The following NEK5 variants were observed in gnomAD, a reference collection of about 807,000 sequenced individuals.
The protein encoded by NEK5 is NIMA related kinase 5, also known as serine/threonine-protein kinase Nek5.
Under a neutral mutation model 109.2 loss-of-function variants are expected in NEK5, and 88 were observed. The observed-to-expected ratio is 0.81, with a 90% CI of 0.68 to 0.96. NEK5 has a LOEUF of 0.96. Among genes scored for constraint, NEK5 ranks in the 40% least tolerant of loss-of-function variants. The pLI, the probability that NEK5 is intolerant of heterozygous loss-of-function variation, is 0.00. For missense variants in NEK5, 834 were observed against 920.7 expected, an observed-to-expected ratio of 0.91 and a Z score of 1.22; for synonymous variants, 283 against 299.9, an observed-to-expected ratio of 0.94 and a Z score of 0.58.
In NEK5 at chr13:52,034,148, T is replaced by A. The variant is rs1243623167; in HGVS notation, c.*2800A>T. 1 of 152,194 alleles carries A rather than the reference T, an allele frequency of 6.6e-6. No individual in the cohort carries two copies. Among genetic ancestry groups the A allele is most frequent in the Admixed American group, 6.5e-5 (1 of 15,286 alleles). The allele number at this position is 152,194 out of a possible 1,614,324, so 9.4% of individuals were successfully genotyped here. A position where few individuals can be genotyped will look rare whatever the true frequency, so the allele number is the denominator to read the frequency against. On this transcript the variant is annotated 3_prime_UTR_variant, in exon 24 of 24. Coordinates refer to ENST00000684899, the MANE Select transcript of NEK5 (RefSeq NM_001365552.1). The stretch of plus-strand genomic sequence containing the variant: ...AGAATGATCAATTTGATAGCTATCA[T>A]ACATGGCTAGCAAGACACTGATTTT...
chr13:52,062,292 CACA>C (rs1025213428), intron 21 of NEK5, among the ~76,000 whole-genome samples: 10 of 152,164 alleles, frequency 6.6e-5, no homozygotes, highest in African/African-American at 2.4e-4. Flanking sequence ...CAACTTACAG[CACA>C]TGTACAAATT....
chr13:52,064,255 G>A lies in NEK5; in HGVS notation c.1975+1229C>T, dbSNP rs1441751820. 7.3e-4 allele frequency among the ~76,000 whole-genome samples: 92 copies of A among 125,512 alleles called. No individual in the cohort carries two copies. In the East Asian group the frequency reaches 8.3e-3, roughly 11 times the overall value. The allele number at this position is 125,512 out of a possible 152,430, so 82.3% of individuals were successfully genotyped here. A position where few individuals can be genotyped will look rare whatever the true frequency, so the allele number is the denominator to read the frequency against. On this transcript the variant is annotated intron_variant, in intron 21 of 23. Transcript: ENST00000684899. ...GGGTCAGCCCCCCGCCCAGCCAGCCGCCCCGTCCGGGAGGTGAGGGGCGCC... is the reference window on the plus strand; with the variant it reads ...GGGTCAGCCCCCCGCCCAGCCAGCCACCCCGTCCGGGAGGTGAGGGGCGCC...
intron 22 of NEK5, among the ~76,000 whole-genome samples, chr13:52,054,006 G>T (rs1429548234): frequency 6.6e-6 from 1 of 152,198 alleles, no homozygotes; most frequent in Non-Finnish European, 1.5e-5. Flanking sequence ...TAAAGAAAAA[G>T]TAAGTGCTTA....
chr13:52,055,614 T>C (rs1268047479), intron 22 of NEK5, among the ~76,000 whole-genome samples: 1 of 152,112 alleles, frequency 6.6e-6, no homozygotes, highest in Admixed American at 6.5e-5. Context: ...GCAGAAACTC[T>C]ACAAGCCAGA....
chr13:52,092,421 TAAC>T (rs1275979924), intron 13 of NEK5, among the ~76,000 whole-genome samples: 1 of 112,136 alleles, frequency 8.9e-6, no homozygotes, highest in African/African-American at 2.5e-5. Flanking sequence ...AAAATCTTTC[TAAC>T]AAAAAAAAAA....
intron 23 of NEK5, among the ~76,000 whole-genome samples, chr13:52,048,360 C>T (rs960933897): frequency 1.3e-5 from 2 of 151,864 alleles, no homozygotes; most frequent in Admixed American, 6.6e-5. Context: ...TCACTTGAGC[C>T]CAGGAGTTCG....
chr13:52,037,398 T>C (rs921611170), intron 23 of NEK5, among the ~76,000 whole-genome samples, 180 bp from the exon 24 acceptor site: 1 of 152,212 alleles, frequency 6.6e-6, no homozygotes, highest in African/African-American at 2.4e-5. Context: ...TGTTGAGTTT[T>C]ACATTGTGTT....
At chr13:52,075,683 ATTT>A in intron 19 of NEK5, 72 bp downstream of exon 19, 1 of 922,856 alleles carries the variant, frequency 1.1e-6, no homozygotes, top group Non-Finnish European at 1.7e-6. Flanking sequence ...CTGTGAAATA[ATTT>A]CATGAAACAT....
intron 3 of NEK5, among the ~76,000 whole-genome samples, chr13:52,125,422 G>A (rs2138148645): frequency 6.6e-6 from 1 of 152,254 alleles, no homozygotes; most frequent in African/African-American, 2.4e-5. Flanking sequence ...AATTAGCCAG[G>A]CGTGGTGGCG....
intron 4 of NEK5, among the ~76,000 whole-genome samples, chr13:52,118,828 C>CA (rs1355364974): frequency 3.3e-5 from 5 of 152,128 alleles, no homozygotes; most frequent in African/African-American, 1.2e-4. Flanking sequence ...AGCACACACA[C>CA]ACAAACACAC....
chr13:52,122,141 T>C (rs573929365), intron 3 of NEK5, among the ~76,000 whole-genome samples: 31 of 152,290 alleles, frequency 2.0e-4, no homozygotes, highest in African/African-American at 7.2e-4. Flanking sequence ...CAATGTAGTA[T>C]CATGGAAAGA....
chr13:52,105,238 AGTGTGTGTGTGT>A lies in NEK5; in HGVS notation c.555-698_555-687del, dbSNP rs5803594. On this transcript the variant is annotated intron_variant, in intron 8 of 23. Coordinates refer to ENST00000684899, the MANE Select transcript of NEK5 (RefSeq NM_001365552.1). Reference sequence around the variant, plus strand: ...CTCTAGCAGCAATGCTTTGTGCATGAGTGTGTGTGTGTGTGTGTGTGTGTGTGTGTGTGTGTC... The same window carrying A: ...CTCTAGCAGCAATGCTTTGTGCATGAGTGTGTGTGTGTGTGTGTGTGTGTC... Among the ~76,000 whole-genome samples, 56 of 148,250 alleles carry A rather than the reference AGTGTGTGTGTGT, an allele frequency of 3.8e-4. No homozygotes were observed. In the East Asian group the frequency reaches 3.8e-3, roughly 10 times the overall value.
chr13:52,056,015 G>C (rs1211619706), intron 22 of NEK5, among the ~76,000 whole-genome samples: 104 of 152,094 alleles, frequency 6.8e-4, no homozygotes, highest in Non-Finnish European at 1.3e-3. Context: ...ATTGGATAAA[G>C]AGTCAAGACC....
chr13:52,045,562 G>A (rs1454316111), intron 23 of NEK5, among the ~76,000 whole-genome samples: 5 of 145,570 alleles, frequency 3.4e-5, no homozygotes, highest in African/African-American at 5.0e-5. Flanking sequence ...TCAGGAGATC[G>A]AGACCATCCT....
intron 22 of NEK5, 39 bp from the exon 23 acceptor site, chr13:52,050,260 C>T: frequency 1.3e-6 from 1 of 775,478 alleles, no homozygotes; most frequent in Non-Finnish European, 1.6e-6. Context: ...AGCATCCCAG[C>T]CTATATACCC....
chr13:52,086,358 A>G lies in NEK5; in HGVS notation c.1398T>C (p.Tyr466=), dbSNP rs757715643. The change falls in exon 16 of 24, where the codon TAT becomes TAC. Residue 466 remains tyrosine (Y), a synonymous_variant. Coordinates refer to ENST00000684899, the MANE Select transcript of NEK5 (RefSeq NM_001365552.1). The stretch of plus-strand genomic sequence containing the variant: ...GGCGTATTTCCTCTAACTGCTTCCA[A>G]TATTCCTGGAAAGCAAACCCAATCC... The part of the protein sequence containing the change: ...FRKNEMKEQE[Y]WKQLEEIRQQ... The G allele has an allele frequency of 1.7e-5, 28 of 1,608,080 alleles. No homozygotes were observed. Among genetic ancestry groups the G allele is most frequent in the Non-Finnish European group, 2.4e-5 (28 of 1,174,936 alleles).
chr13:52,070,936 CCT>C (rs765889160), intron 20 of NEK5, among the ~76,000 whole-genome samples: 3 of 152,156 alleles, frequency 2.0e-5, no homozygotes, highest in Non-Finnish European at 4.4e-5. Flanking sequence ...ACTATTATCC[CCT>C]GTTCCTAAGG....
At chr13:52,108,140 G>A (rs1192468576) in intron 8 of NEK5, among the ~76,000 whole-genome samples, 178 bp downstream of exon 8, 1 of 151,962 alleles carries the variant, frequency 6.6e-6, no homozygotes. Flanking sequence ...ATTGGACCGC[G>A]AGAAATAGCA....
intron 17 of NEK5, among the ~76,000 whole-genome samples, chr13:52,079,950 C>A (rs1284558883): frequency 6.6e-6 from 1 of 151,932 alleles, no homozygotes. Flanking sequence ...TACCCGGCCG[C>A]GACCCTGTCT....
Sources: gnomAD v4.1 joint callset for allele counts (sites outside exome capture counted in the v4.1 genomes callset) on GRCh38, gnomAD v4.1.1 for gene constraint, MANE v1.5 for transcripts, NCBI Gene and HGNC (gene_info 2026-07-23, HGNC 2026-07-21) for gene names.